KCNE2: variants seen among roughly 807,000 people sequenced by gnomAD.
KCNE2 encodes the protein potassium voltage-gated channel subfamily E member 2.
Under a neutral mutation model 4.5 loss-of-function variants are expected in KCNE2, and 4 were observed. The observed-to-expected ratio is 0.89, with a 90% CI of 0.44 to 2.03. The LOEUF is 2.03. KCNE2 is among the 30% of genes most tolerant of loss of function. The probability of loss-of-function intolerance (pLI) is 0.03; values close to 1 mark genes in which losing one functional copy is unlikely to be tolerated. For missense variants in KCNE2, 137 were observed against 151.4 expected, an observed-to-expected ratio of 0.90 and a Z score of 0.50; for synonymous variants, 57 against 55.9, an observed-to-expected ratio of 1.02 and a Z score of -0.09.
intron 1 of KCNE2, among the ~76,000 whole-genome samples, chr21:34,369,561 A>C (rs1378666802): frequency 6.6e-6 from 1 of 152,120 alleles, no homozygotes; most frequent in African/African-American, 2.4e-5. Flanking sequence ...AGAAAAAAAA[A>C]AGGGCACATT....
intron 1 of KCNE2, among the ~76,000 whole-genome samples, chr21:34,367,637 G>A (rs1289809217): frequency 6.6e-6 from 1 of 152,202 alleles, no homozygotes; most frequent in Non-Finnish European, 1.5e-5. Flanking sequence ...AAATCCTGGG[G>A]AGGGATGTTC....
At chr21:34,365,340 C>A (rs1332561684) in intron 1 of KCNE2, among the ~76,000 whole-genome samples, 1 of 152,190 alleles carries the variant, frequency 6.6e-6, no homozygotes, top group Non-Finnish European at 1.5e-5. Context: ...TTCCAGAGAA[C>A]ATAAATGGTA....
chr21:34,368,258 A>ATATATATG (rs1437734710), intron 1 of KCNE2, among the ~76,000 whole-genome samples: 1 of 96,210 alleles, frequency 1.0e-5, no homozygotes, highest in Non-Finnish European at 2.0e-5. Flanking sequence ...ATATATATAT[A>ATATATATG]TATGTATGTT....
At chr21:34,364,934 C>T (rs148192617) in intron 1 of KCNE2, among the ~76,000 whole-genome samples, 1 of 152,260 alleles carries the variant, frequency 6.6e-6, no homozygotes, top group East Asian at 1.9e-4. Context: ...CAGGGCACAA[C>T]TAATGACATG....
At chr21:34,368,244 ATATATATATATATATATGTATGT>A (rs1239437650) in intron 1 of KCNE2, among the ~76,000 whole-genome samples, 4 of 122,756 alleles carry the variant, frequency 3.3e-5, no homozygotes, top group Admixed American at 1.6e-4. Flanking sequence ...ATATATATAT[ATATATATATATATATATGTATGT>A]TATATATATG....
At chr21:34,368,229 A>ATATATATATATATAT (rs781775671) in intron 1 of KCNE2, among the ~76,000 whole-genome samples, 4 of 84,794 alleles carry the variant, frequency 4.7e-5, no homozygotes, top group African/African-American at 1.8e-4. Flanking sequence ...ACACACACAC[A>ATATATATATATATAT]ATATATATAT....
chr21:34,365,677 G>A (rs1378251945), intron 1 of KCNE2, among the ~76,000 whole-genome samples: 2 of 152,150 alleles, frequency 1.3e-5, no homozygotes, highest in Non-Finnish European at 2.9e-5. Context: ...CTCCCACCTC[G>A]GCCTCCCGAA....
intron 1 of KCNE2, among the ~76,000 whole-genome samples, chr21:34,370,049 G>C (rs766820299): frequency 6.6e-6 from 1 of 152,148 alleles, no homozygotes; most frequent in Admixed American, 6.6e-5. Context: ...AAAAACAAAA[G>C]TAATGCAAGA....
intron 1 of KCNE2, among the ~76,000 whole-genome samples, chr21:34,368,019 T>G (rs1979382616): frequency 6.6e-6 from 1 of 151,954 alleles, no homozygotes; most frequent in Non-Finnish European, 1.5e-5. Flanking sequence ...CAACTGAGCC[T>G]CTCACAGAGT....
At chr21:34,366,093 T>C (rs756559108) in intron 1 of KCNE2, among the ~76,000 whole-genome samples, 16 of 152,266 alleles carry the variant, frequency 1.1e-4, no homozygotes, top group African/African-American at 3.4e-4. Context: ...GAACAAATAA[T>C]GGGCAGTTGG....
intron 1 of KCNE2, among the ~76,000 whole-genome samples, chr21:34,367,168 A>G (rs1338436721): frequency 6.7e-6 from 1 of 150,204 alleles, no homozygotes; most frequent in Admixed American, 6.6e-5. Flanking sequence ...TCAAAAAAAA[A>G]AAAAAAAAAA....
chr21:34,364,453 G>A (rs1818222786), intron 1 of KCNE2, among the ~76,000 whole-genome samples: 1 of 152,156 alleles, frequency 6.6e-6, no homozygotes, highest in South Asian at 2.1e-4. Context: ...GGTGATGTGA[G>A]CGATCTACCA....
chr21:34,368,048 T>A (rs1306404868), intron 1 of KCNE2, among the ~76,000 whole-genome samples: 2 of 151,800 alleles, frequency 1.3e-5, no homozygotes, highest in East Asian at 3.9e-4. Context: ...CCTCTGCAGT[T>A]TCATCGCCTA....
chr21:34,366,842 C>T (rs987825853), intron 1 of KCNE2, among the ~76,000 whole-genome samples: 5 of 151,028 alleles, frequency 3.3e-5, no homozygotes, highest in Admixed American at 6.6e-5. Flanking sequence ...AGCCGGGCTT[C>T]GTGGCGGGTG....
At position 34,370,029 on chromosome 21, in the gene KCNE2, C is replaced by T. The variant is rs186531822; in HGVS notation, c.-12-438C>T. On this transcript the variant is annotated intron_variant, in intron 1 of 1. Coordinates refer to ENST00000290310, the MANE Select transcript of KCNE2 (RefSeq NM_172201.2). ...ATTATTCTAGCTCTTGTAAGGTTAC[C>T]AATTTTTTAAAAAACAAAAGTAATG... 4.6e-5 allele frequency among the ~76,000 whole-genome samples: 7 copies of T among 152,176 alleles called. No individual in the cohort carries two copies. The East Asian group carries it at 1.4e-3, about 29-fold the overall frequency.
intron 1 of KCNE2, among the ~76,000 whole-genome samples, chr21:34,369,605 A>T (rs1438235755): frequency 6.6e-6 from 1 of 152,056 alleles, no homozygotes; most frequent in Non-Finnish European, 1.5e-5. Flanking sequence ...GGCACATATA[A>T]CCCCAAAGAG....
intron 1 of KCNE2, among the ~76,000 whole-genome samples, chr21:34,370,213 T>C (rs1979514963): frequency 6.6e-6 from 1 of 152,210 alleles, no homozygotes; most frequent in African/African-American, 2.4e-5. Flanking sequence ...CATATATAAA[T>C]ATCAAAGTGT....
chr21:34,368,234 A>C (rs1174707514), intron 1 of KCNE2, among the ~76,000 whole-genome samples: 4 of 52,264 alleles, frequency 7.7e-5, no homozygotes, highest in Non-Finnish European at 1.4e-4. Flanking sequence ...CACACAATAT[A>C]TATATATATA....
At chr21:34,369,542 T>G (rs889649388) in intron 1 of KCNE2, among the ~76,000 whole-genome samples, 14 of 151,534 alleles carry the variant, frequency 9.2e-5, no homozygotes, top group African/African-American at 3.4e-4. Context: ...AGAGCAAGAT[T>G]CCGTCTTAAG....
Sources: allele counts gnomAD v4.1 joint callset (sites outside exome capture counted in the v4.1 genomes callset), GRCh38; gene constraint gnomAD v4.1.1; transcripts MANE v1.5; gene names NCBI Gene and HGNC (gene_info 2026-07-23, HGNC 2026-07-21).